Variants in CASP8 observed in about 807,000 individuals in gnomAD.
CASP8 encodes the protein caspase 8, also known as caspase-8.
CASP8 carries 24 observed loss-of-function variants against 46.3 expected under a neutral mutation model. That is an observed-to-expected ratio of 0.52 (90% CI 0.38 to 0.73). CASP8 has a LOEUF of 0.73. CASP8 is among the 30% of genes least tolerant of loss of function. The pLI, the probability that CASP8 is intolerant of heterozygous loss-of-function variation, is 0.00. For synonymous variants in CASP8, 188 were observed against 200.4 expected (o/e 0.94, Z 0.52); for missense variants, 460 against 559.0 (o/e 0.82, Z 1.79).
chr2:201,262,477 G>A (rs1460228363), intron 1 of CASP8, among the ~76,000 whole-genome samples: 2 of 151,278 alleles, frequency 1.3e-5, no homozygotes, highest in Admixed American at 6.6e-5. Context: ...ATTTAGCAGA[G>A]ATTATATAAA....
intron 7 of CASP8, chr2:201,281,700 T>G: frequency 2.3e-6 from 1 of 441,744 alleles, no homozygotes; most frequent in Non-Finnish European, 4.0e-6. Flanking sequence ...TTTTTTCTGA[T>G]TATGTAAATA....
At chr2:201,259,165 A>G (rs1020722449), upstream of CASP8, among the ~76,000 whole-genome samples, 25 of 151,848 alleles carry the variant, frequency 1.6e-4, no homozygotes, top group Admixed American at 4.6e-4. Flanking sequence ...TTCTGTTTCT[A>G]TTTCTTTTTT....
chr2:201,244,796 T>G (rs907110904), intron 2 of CASP8, among the ~76,000 whole-genome samples: 1 of 152,142 alleles, frequency 6.6e-6, no homozygotes, highest in Non-Finnish European at 1.5e-5. Context: ...CCTATCTGAG[T>G]CTTTAGAAAG....
chr2:201,273,057 T>C, intron 5 of CASP8, 115 bp downstream of exon 5: 3 of 786,684 alleles, frequency 3.8e-6, no homozygotes, highest in Non-Finnish European at 6.0e-6. Flanking sequence ...CTCTACTTTT[T>C]CTTTTTTTTT....
chr2:201,242,285 A>G (rs977772302), intron 2 of CASP8: 1 of 152,226 alleles, frequency 6.6e-6, no homozygotes, highest in Non-Finnish European at 1.5e-5. Context: ...AAAACAAAAT[A>G]CCATAGACTG....
chr2:201,242,173 C>A (rs1055378716), intron 2 of CASP8: 2 of 152,064 alleles, frequency 1.3e-5, no homozygotes, highest in Admixed American at 6.6e-5. Flanking sequence ...ATTGAAACAG[C>A]ATGGGAATAG....
intron 1 of CASP8, among the ~76,000 whole-genome samples, chr2:201,261,391 CA>C (rs11335061): frequency 0.51 from 45,145 of 88,478 alleles, 8,848 homozygotes; most frequent in East Asian, 0.64. Flanking sequence ...AACTCCGTCT[CA>C]AAAAAAAAAA....
At chr2:201,258,494 C>A, upstream of CASP8, 1 of 1,236,352 alleles carries the variant, frequency 8.1e-7, no homozygotes, top group Non-Finnish European at 1.2e-6. Flanking sequence ...TGGATCTGCC[C>A]TTCTGAGGAC....
chr2:201,236,574 G>A (rs976553093), intron 2 of CASP8, among the ~76,000 whole-genome samples: 1 of 152,146 alleles, frequency 6.6e-6, no homozygotes, highest in Admixed American at 6.5e-5. Flanking sequence ...AAGCCAACAT[G>A]AAAATTCTAT....
At chr2:201,249,630 C>T (rs971361511) in intron 2 of CASP8, among the ~76,000 whole-genome samples, 4 of 152,242 alleles carry the variant, frequency 2.6e-5, no homozygotes, top group South Asian at 2.1e-4. Flanking sequence ...GAGGCTAAGG[C>T]GAGAGGATCG....
chr2:201,283,819 A>AC (rs1286913958), intron 7 of CASP8, among the ~76,000 whole-genome samples: 23 of 27,356 alleles, frequency 8.4e-4, no homozygotes, highest in South Asian at 2.9e-3. Context: ...CGGGGGGCTG[A>AC]CCCCCCCCAC....
intron 6 of CASP8, among the ~76,000 whole-genome samples, chr2:201,275,726 C>A (rs1305348989): frequency 6.6e-6 from 1 of 152,184 alleles, no homozygotes; most frequent in Non-Finnish European, 1.5e-5. Flanking sequence ...CTTAGTAAAT[C>A]TTAGTATCTT....
intron 2 of CASP8, chr2:201,241,652 AAC>A (rs2124909042): frequency 6.6e-6 from 1 of 152,350 alleles, no homozygotes; most frequent in Admixed American, 6.5e-5. Context: ...GTTCTTCTTA[AAC>A]TATTTTTAAA....
chr2:201,247,981 T>C (rs975896611), intron 2 of CASP8, among the ~76,000 whole-genome samples: 4 of 151,990 alleles, frequency 2.6e-5, no homozygotes, highest in African/African-American at 9.7e-5. Flanking sequence ...GGTCTCACTA[T>C]GTTTGTCAGG....
In CASP8 at chr2:201,285,305, A is replaced by C; in HGVS notation, c.1292A>C (p.Glu431Ala). ...CAGTCACTTTGCCAGAGCCTGAGAG[A>C]GCGATGTCCTCGGTAAGTTTTGCCT... Reference protein sequence around the residue: ...YIQSLCQSLRERCPRGDDILT... With the variant: ...YIQSLCQSLRARCPRGDDILT... Residue 431 changes from glutamate (E) to alanine (A), a missense_variant, in exon 8 of 9, where the codon GAG becomes GCG. Coordinates refer to ENST00000673742, the MANE Select transcript of CASP8 (RefSeq NM_001372051.1). 1 of 1,613,590 alleles carries C rather than the reference A, an allele frequency of 6.2e-7. No individual in the cohort carries two copies. Among genetic ancestry groups the C allele is most frequent in the Non-Finnish European group, 8.5e-7 (1 of 1,180,022 alleles).
At chr2:201,268,901 C>T (rs1468703964) in intron 2 of CASP8, among the ~76,000 whole-genome samples, 1 of 143,778 alleles carries the variant, frequency 7.0e-6, no homozygotes, top group Non-Finnish European at 1.5e-5. Context: ...TCCAGTATGG[C>T]CTCATCTTTG....
At chr2:201,244,137 C>A (rs1419111411) in intron 2 of CASP8, among the ~76,000 whole-genome samples, 1 of 152,174 alleles carries the variant, frequency 6.6e-6, no homozygotes, top group African/African-American at 2.4e-5. Flanking sequence ...TCTGCAGTTA[C>A]AATAAATAGA....
intron 5 of CASP8, among the ~76,000 whole-genome samples, chr2:201,273,862 A>G (rs34552940): frequency 3.1e-4 from 47 of 152,062 alleles, no homozygotes; most frequent in African/African-American, 1.1e-3. Flanking sequence ...TCTTGTAGAG[A>G]TGGGGTTTCG....
chr2:201,238,320 C>T (rs1471322205), intron 2 of CASP8, among the ~76,000 whole-genome samples: 1 of 152,188 alleles, frequency 6.6e-6, no homozygotes, highest in Non-Finnish European at 1.5e-5. Context: ...TATGGGATAT[C>T]ATTTAAATTT....
Sources: allele counts gnomAD v4.1 joint callset (sites outside exome capture counted in the v4.1 genomes callset), GRCh38; gene constraint gnomAD v4.1.1; transcripts MANE v1.5; gene names NCBI Gene and HGNC (gene_info 2026-07-23, HGNC 2026-07-21).